ITGA6: variants seen among roughly 807,000 people sequenced by gnomAD.
ITGA6 encodes the protein integrin subunit alpha 6.
Under a neutral mutation model 133.6 loss-of-function variants are expected in ITGA6, and 63 were observed. The observed-to-expected ratio is 0.47, with a 90% CI of 0.38 to 0.58. ITGA6 has a LOEUF of 0.58. Among genes scored for constraint, ITGA6 ranks in the 20% least tolerant of loss-of-function variants. The pLI is 0.00. For missense variants in ITGA6, 1,068 were observed against 1,309.4 expected, an observed-to-expected ratio of 0.82 and a Z score of 2.85; for synonymous variants, 434 against 482.0, an observed-to-expected ratio of 0.90 and a Z score of 1.30.
rs1683918622 is a variant in ITGA6, at chr2:172,427,863, C to T, written c.75C>T (p.Asn25=). 1.2e-6 allele frequency: 2 copies of T among 1,607,156 alleles called. No individual in the cohort carries two copies. Among genetic ancestry groups the T allele is most frequent in the South Asian group, 1.1e-5 (1 of 90,188 alleles). Residue 25 remains asparagine (N), a synonymous_variant, in exon 1 of 26, where the codon AAC becomes AAT. Transcript: ENST00000684293. The part of the protein sequence containing the change: ...GLLSRLGAAF[N]LDTREDNVIR... ...TGTCCCGGCTCGGCGCAGCCTTCAA[C>T]TTGGACACTCGGGAGGACAACGTGA...
At chr2:172,446,087 C>T (rs1684757272) in intron 1 of ITGA6, among the ~76,000 whole-genome samples, 1 of 152,218 alleles carries the variant, frequency 6.6e-6, no homozygotes, top group Non-Finnish European at 1.5e-5. Context: ...TGACAGCCAG[C>T]ACTCTCTGGC....
intron 24 of ITGA6, among the ~76,000 whole-genome samples, chr2:172,498,790 T>G (rs186133907): frequency 1.3e-5 from 2 of 152,320 alleles, no homozygotes; most frequent in East Asian, 3.9e-4. Context: ...TTATTCCCAG[T>G]GAGTGATAGA....
intron 1 of ITGA6, among the ~76,000 whole-genome samples, chr2:172,449,355 A>C (rs1052406162): frequency 2.0e-5 from 3 of 152,206 alleles, no homozygotes; most frequent in African/African-American, 7.2e-5. Context: ...TTTTTGGCGA[A>C]GAAAAATATT....
chr2:172,453,905 G>T (rs1185791260), intron 1 of ITGA6, among the ~76,000 whole-genome samples: 1 of 152,168 alleles, frequency 6.6e-6, no homozygotes, highest in East Asian at 1.9e-4. Context: ...ACAAGGACAG[G>T]TGTGGCCCCT....
intron 1 of ITGA6, among the ~76,000 whole-genome samples, chr2:172,440,202 T>G (rs111289461): frequency 1.5e-4 from 23 of 152,354 alleles, no homozygotes; most frequent in African/African-American, 5.5e-4. Flanking sequence ...TGTTGGTTTG[T>G]GAGCTTCTTA....
intron 13 of ITGA6, among the ~76,000 whole-genome samples, chr2:172,485,532 T>C (rs562032495): frequency 3.0e-4 from 45 of 152,340 alleles, no homozygotes; most frequent in Admixed American, 1.4e-3. Context: ...TGGTAGAGCT[T>C]ATATTCTAAC....
At chr2:172,483,704 C>G (rs1686545373) in intron 11 of ITGA6, among the ~76,000 whole-genome samples, 1 of 152,194 alleles carries the variant, frequency 6.6e-6, no homozygotes, top group African/African-American at 2.4e-5. Context: ...GCTGTGCCTT[C>G]TAGCCCAGTG....
At chr2:172,465,302 G>T in intron 1 of ITGA6, 1 of 590,514 alleles carries the variant, frequency 1.7e-6, no homozygotes, top group Non-Finnish European at 3.0e-6. Context: ...ATGAGAGACA[G>T]GCCTATTTTC....
intron 15 of ITGA6, 44 bp downstream of exon 15, chr2:172,487,497 ACT>A: frequency 1.9e-6 from 3 of 1,610,100 alleles, no homozygotes; most frequent in Non-Finnish European, 2.6e-6. Context: ...AAAAATCAAC[ACT>A]GTGTGGCAAA....
intron 1 of ITGA6, among the ~76,000 whole-genome samples, chr2:172,447,007 T>C (rs1397327016): frequency 2.6e-5 from 4 of 152,030 alleles, no homozygotes; most frequent in Non-Finnish European, 5.9e-5. Context: ...AAGCGATTCT[T>C]GTGCCTTGGC....
intron 9 of ITGA6, 113 bp from the exon 10 acceptor site, chr2:172,479,528 T>C: frequency 1.2e-6 from 1 of 852,934 alleles, no homozygotes; most frequent in South Asian, 1.3e-5. Context: ...TGTATTTTTT[T>C]TCCTGTGTTT....
chr2:172,485,304 C>T, intron 13 of ITGA6, 40 bp downstream of exon 13: 2 of 1,577,826 alleles, frequency 1.3e-6, no homozygotes, highest in South Asian at 2.2e-5. Context: ...AGTTTTTTTG[C>T]CATTTATGAT....
intron 23 of ITGA6, among the ~76,000 whole-genome samples, chr2:172,495,781 A>G (rs1336485609): frequency 6.6e-6 from 1 of 152,164 alleles, no homozygotes; most frequent in Admixed American, 6.5e-5. Flanking sequence ...CCACCCTGCC[A>G]CTCCAGGCTG....
At position 172,443,210 on chromosome 2, in the gene ITGA6, T is replaced by G. The variant is rs1424643048; in HGVS notation, c.182+15240T>G. Reference sequence around the variant, plus strand: ...GTAGATTCTTTTGCACCTTGCTCTTTTTCTCTTGGTATGTTTTAATGCCTG... The same window carrying G: ...GTAGATTCTTTTGCACCTTGCTCTTGTTCTCTTGGTATGTTTTAATGCCTG... On this transcript the variant is annotated intron_variant, in intron 1 of 25. Transcript: ENST00000684293. Among the ~76,000 whole-genome samples, 7 of 152,328 alleles carry G rather than the reference T, an allele frequency of 4.6e-5. No homozygotes were observed. In the East Asian group the frequency reaches 1.3e-3, roughly 29 times the overall value.
chr2:172,445,640 C>T (rs1487803610), intron 1 of ITGA6, among the ~76,000 whole-genome samples: 1 of 141,664 alleles, frequency 7.1e-6, no homozygotes, highest in African/African-American at 2.5e-5. Flanking sequence ...CAGAGTGAGA[C>T]TCCGTCTTTT....
At chr2:172,469,476 C>A in intron 4 of ITGA6, 96 bp downstream of exon 4, 1 of 1,118,830 alleles carries the variant, frequency 8.9e-7, no homozygotes, top group Non-Finnish European at 1.3e-6. Context: ...AGAAGACATT[C>A]GTATATTATA....
At chr2:172,479,898 G>A in intron 10 of ITGA6, 92 bp from the exon 11 acceptor site, 1 of 1,043,282 alleles carries the variant, frequency 9.6e-7, no homozygotes, top group Non-Finnish European at 1.5e-6. Context: ...TCATCAATGG[G>A]CATTGGGGGG....
chr2:172,447,781 T>A (rs543773180), intron 1 of ITGA6, among the ~76,000 whole-genome samples: 1 of 152,344 alleles, frequency 6.6e-6, no homozygotes, highest in East Asian at 1.9e-4. Context: ...ATTTTCCTGA[T>A]CTGACCGCTC....
At chr2:172,462,878 T>C (rs891213361) in intron 1 of ITGA6, among the ~76,000 whole-genome samples, 1 of 152,226 alleles carries the variant, frequency 6.6e-6, no homozygotes, top group African/African-American at 2.4e-5. Flanking sequence ...CGACCCCTTC[T>C]TGTCACCCAT....
Sources: allele counts gnomAD v4.1 joint callset (sites outside exome capture counted in the v4.1 genomes callset), GRCh38; gene constraint gnomAD v4.1.1; transcripts MANE v1.5; gene names NCBI Gene and HGNC (gene_info 2026-07-23, HGNC 2026-07-21).